Variants in MACROD2 observed in about 807,000 individuals in gnomAD.
MACROD2 encodes ADP-ribose glycohydrolase MACROD2.
Under a neutral mutation model 70.4 loss-of-function variants are expected in MACROD2, and 36 were observed. That is an observed-to-expected ratio of 0.51 (90% CI 0.39 to 0.68). MACROD2 has a LOEUF of 0.68. Ranked by LOEUF, MACROD2 falls within the 30% of genes least tolerant of loss-of-function variation. The pLI is 0.00. For missense variants in MACROD2, 496 were observed against 538.4 expected (o/e 0.92, Z 0.78); for synonymous variants, 172 against 178.8 (o/e 0.96, Z 0.30).
intron 5 of MACROD2, among the ~76,000 whole-genome samples, chr20:14,899,853 G>T (rs913368411): frequency 2.6e-5 from 4 of 152,210 alleles, no homozygotes; most frequent in Admixed American, 2.6e-4. Flanking sequence ...ATATCTAACT[G>T]GGCAGTGTTG....
chr20:14,572,922 A>G (rs1980304996), intron 4 of MACROD2, among the ~76,000 whole-genome samples: 1 of 151,124 alleles, frequency 6.6e-6, no homozygotes, highest in Non-Finnish European at 1.5e-5. Flanking sequence ...ATATAAAGAT[A>G]TGAATTGGAA....
At chr20:15,400,851 C>A (rs1248076784) in intron 6 of MACROD2, among the ~76,000 whole-genome samples, 1 of 152,134 alleles carries the variant, frequency 6.6e-6, no homozygotes, top group African/African-American at 2.4e-5. Context: ...AAAGCACTGA[C>A]TAAGAAAATG....
chr20:14,862,054 T>TATATATATTTATATATAAATATATAAAA (rs1568838875), intron 5 of MACROD2, among the ~76,000 whole-genome samples: 1 of 3,058 alleles, frequency 3.3e-4, no homozygotes, highest in African/African-American at 5.5e-4. Flanking sequence ...TATATATTTA[T>TATATATATTTATATATAAATATATAAAA]ATATATATAA....
chr20:15,868,191 G>A (rs2147174189), intron 9 of MACROD2, among the ~76,000 whole-genome samples: 1 of 152,260 alleles, frequency 6.6e-6, no homozygotes, highest in African/African-American at 2.4e-5. Context: ...GACTGCTGAT[G>A]CTTTACCCAT....
At chr20:16,048,990 C>T (rs1398328256) in intron 17 of MACROD2, among the ~76,000 whole-genome samples, 1 of 152,164 alleles carries the variant, frequency 6.6e-6, no homozygotes, top group African/African-American at 2.4e-5. Flanking sequence ...GAACAGATTA[C>T]TGTTAACAAA....
intron 5 of MACROD2, among the ~76,000 whole-genome samples, chr20:14,908,683 T>C (rs539946854): frequency 6.6e-6 from 1 of 151,988 alleles, no homozygotes; most frequent in South Asian, 2.1e-4. Flanking sequence ...AAAAAGTGTA[T>C]CTTCAGAGTG....
chr20:15,984,086 T>A (rs1167245852), intron 13 of MACROD2, among the ~76,000 whole-genome samples: 8 of 151,688 alleles, frequency 5.3e-5, no homozygotes, highest in African/African-American at 1.9e-4. Context: ...TAATTTTTTA[T>A]GTTTGACCAT....
At chr20:14,528,703 A>C (rs1368060963) in intron 4 of MACROD2, among the ~76,000 whole-genome samples, 3 of 151,798 alleles carry the variant, frequency 2.0e-5, no homozygotes, top group African/African-American at 7.3e-5. Flanking sequence ...TCATTTGTGG[A>C]TTATTTTCAG....
At chr20:15,576,649 A>G (rs1266780107) in intron 8 of MACROD2, among the ~76,000 whole-genome samples, 1 of 151,866 alleles carries the variant, frequency 6.6e-6, no homozygotes, top group Non-Finnish European at 1.5e-5. Context: ...TCCACTGTGA[A>G]TAAAACAGAT....
rs544253974 is a variant in MACROD2, at chr20:14,149,384, C to T, written c.271+63656C>T. 2.0e-5 allele frequency among the ~76,000 whole-genome samples: 3 copies of T among 152,134 alleles called. No homozygotes were observed. The South Asian group carries it at 6.2e-4, about 32-fold the overall frequency. On this transcript the variant is annotated intron_variant, in intron 3 of 17. Coordinates refer to ENST00000684519, the MANE Select transcript of MACROD2 (RefSeq NM_001351661.2). ...CCATGGTATATATGTACCACATTTTCTTTATTTAATTCACCATTGGTGGGC... is the reference window on the plus strand; with the variant it reads ...CCATGGTATATATGTACCACATTTTTTTTATTTAATTCACCATTGGTGGGC...
chr20:15,615,928 T>G (rs2146718833), intron 8 of MACROD2, among the ~76,000 whole-genome samples: 1 of 151,744 alleles, frequency 6.6e-6, no homozygotes, highest in East Asian at 1.9e-4. Context: ...AAACCAGGAG[T>G]GACTGAAAAC....
intron 5 of MACROD2, among the ~76,000 whole-genome samples, chr20:14,934,577 A>G (rs183916045): frequency 2.3e-3 from 357 of 152,290 alleles, no homozygotes; most frequent in Middle Eastern, 6.8e-3. Flanking sequence ...ACTTGAGGTT[A>G]GGAGTTCGAG....
intron 7 of MACROD2, among the ~76,000 whole-genome samples, chr20:15,461,000 A>ATTTT (rs1451007880): frequency 2.9e-5 from 2 of 69,252 alleles, no homozygotes; most frequent in African/African-American, 1.3e-4. Context: ...ATATATATAT[A>ATTTT]TATATATTTT....
intron 5 of MACROD2, among the ~76,000 whole-genome samples, chr20:14,802,777 TACAC>T (rs11468914): frequency 0.39 from 58,014 of 147,930 alleles, 12,431 homozygotes; most frequent in African/African-American, 0.59. Flanking sequence ...CATACACACA[TACAC>T]ACACACACAC....
chr20:15,395,605 G>A (rs1291061085), intron 6 of MACROD2, among the ~76,000 whole-genome samples: 2 of 152,164 alleles, frequency 1.3e-5, no homozygotes, highest in African/African-American at 4.8e-5. Context: ...AATGAGCCTG[G>A]CTGTGTTCCA....
intron 3 of MACROD2, among the ~76,000 whole-genome samples, chr20:14,364,331 T>C (rs764195487): frequency 2.0e-5 from 3 of 152,204 alleles, no homozygotes; most frequent in African/African-American, 4.8e-5. Context: ...GTAACCTCAT[T>C]CTACAGTGAG....
At chr20:14,524,857 T>C (rs1393941950) in intron 4 of MACROD2, among the ~76,000 whole-genome samples, 3 of 152,174 alleles carry the variant, frequency 2.0e-5, no homozygotes, top group Non-Finnish European at 4.4e-5. Context: ...CTTGCCCTGC[T>C]TCCTCACTTG....
rs59205516 is a variant in MACROD2, at chr20:15,978,582, G to GTCTCTC, written c.986-8116_986-8111dup. 6.2e-3 allele frequency among the ~76,000 whole-genome samples: 901 copies of GTCTCTC among 146,416 alleles called. 11 individuals are homozygous for GTCTCTC. The highest frequency in any genetic ancestry group is 0.02 in the South Asian group (92 of 4,512). ...AATAAACTTACTCGCCTGACCTTGG[G>GTCTCTC]TCTCTCTCTCTCTCTCTCTCTCTCT... On this transcript the variant is annotated intron_variant, in intron 13 of 17. Transcript: ENST00000684519.
intron 5 of MACROD2, among the ~76,000 whole-genome samples, chr20:14,940,638 A>G (rs1052686553): frequency 2.7e-5 from 4 of 149,646 alleles, no homozygotes; most frequent in African/African-American, 7.4e-5. Flanking sequence ...ATGCTTTTTC[A>G]GCATGTATCA....
Sources: allele counts gnomAD v4.1 joint callset (sites outside exome capture counted in the v4.1 genomes callset), GRCh38; gene constraint gnomAD v4.1.1; transcripts MANE v1.5; gene names NCBI Gene and HGNC (gene_info 2026-07-23, HGNC 2026-07-21).